The following SARDH variants were observed in gnomAD, a reference collection of about 807,000 sequenced individuals.
The protein encoded by SARDH is sarcosine dehydrogenase.
In SARDH, 95 loss-of-function variants were observed where a neutral mutation model predicts 109.1. That is an observed-to-expected ratio of 0.87 (90% confidence interval 0.74 to 1.03). The LOEUF (loss-of-function observed/expected upper bound fraction) is 1.03, where lower values mean the gene tolerates loss of function less well. SARDH is among the 50% of genes least tolerant of loss of function. SARDH has a pLI of 0.00. For missense variants in SARDH, 1,267 were observed against 1,287.8 expected (o/e 0.98, Z 0.25); for synonymous variants, 572 against 534.8 (o/e 1.07, Z -0.96).
intron 19 of SARDH, among the ~76,000 whole-genome samples, chr9:133,668,292 T>TCCTTCCCTCTCCCCTCA (rs1564227060): frequency 8.9e-6 from 1 of 112,580 alleles, no homozygotes; most frequent in African/African-American, 3.5e-5. Context: ...TCCCTCCCTC[T>TCCTTCCCTCTCCCCTCA]CCCTCCCTCT....
Position 133,670,718 on chromosome 9 carries a change from G to A in SARDH, c.2361C>T (p.Asp787=), listed in dbSNP as rs145558194. 2.6e-5 allele frequency: 41 copies of A among 1,599,984 alleles called. No homozygotes were observed. Among genetic ancestry groups the A allele is most frequent in the Middle Eastern group, 1.7e-4 (1 of 5,998 alleles). The part of the protein sequence containing the change: ...YRHWHADLRP[D]DSPLEAGLAF... ...CCAGGCCTGCCTCCAGGGGGCTGTCGTCTGGCCGCAGGTCCGCGTGCCAGT... is the reference window on the plus strand; with the variant it reads ...CCAGGCCTGCCTCCAGGGGGCTGTCATCTGGCCGCAGGTCCGCGTGCCAGT... Residue 787 remains aspartate (D), a synonymous_variant, in exon 19 of 21, where the codon GAC becomes GAT. Transcript: ENST00000439388.
At chr9:133,723,686 C>CT in intron 6 of SARDH, among the ~76,000 whole-genome samples, 1 of 152,244 alleles carries the variant, frequency 6.6e-6, no homozygotes. Context: ...TGGCATGAAC[C>CT]CAGGAGGCAG....
chr9:133,727,780 C>T (rs1172664208), intron 6 of SARDH, among the ~76,000 whole-genome samples: 3 of 152,314 alleles, frequency 2.0e-5, no homozygotes, highest in South Asian at 2.1e-4. Flanking sequence ...CCCCTAGCTT[C>T]GCTTGAATCT....
At chr9:133,736,615 C>T (rs544909042) in intron 1 of SARDH, among the ~76,000 whole-genome samples, 2 of 152,262 alleles carry the variant, frequency 1.3e-5, no homozygotes, top group Non-Finnish European at 2.9e-5. Flanking sequence ...AGGCTGGTCT[C>T]GAACTCCTGA....
At chr9:133,689,965 G>A (rs1831033891) in intron 16 of SARDH, among the ~76,000 whole-genome samples, 1 of 152,200 alleles carries the variant, frequency 6.6e-6, no homozygotes, top group South Asian at 2.1e-4. Flanking sequence ...CATGGAGGGT[G>A]TTTCCGGAGG....
chr9:133,659,842 GAGCA>G (rs1231513314), downstream of SARDH, among the ~76,000 whole-genome samples: 37 of 152,248 alleles, frequency 2.4e-4, no homozygotes, highest in East Asian at 6.8e-3. Context: ...AGTAGACACG[GAGCA>G]GGCCCAAGAA....
intron 6 of SARDH, among the ~76,000 whole-genome samples, chr9:133,725,047 T>C (rs928094530): frequency 5.3e-5 from 8 of 152,288 alleles, no homozygotes; most frequent in African/African-American, 1.7e-4. Flanking sequence ...CAATGGAGTA[T>C]TATTCAGCTG....
intron 8 of SARDH, among the ~76,000 whole-genome samples, chr9:133,716,770 C>G (rs917596306): frequency 6.6e-5 from 10 of 152,186 alleles, no homozygotes; most frequent in Non-Finnish European, 1.5e-4. Flanking sequence ...AACCTTCCCC[C>G]GCTGAGCTGG....
chr9:133,736,563 T>C (rs1305511053), intron 1 of SARDH, among the ~76,000 whole-genome samples: 1 of 152,188 alleles, frequency 6.6e-6, no homozygotes, highest in Non-Finnish European at 1.5e-5. Flanking sequence ...GCCTGGCTAA[T>C]TTTTGTATCT....
At chr9:133,734,656 G>A (rs1442547519) in intron 1 of SARDH, among the ~76,000 whole-genome samples, 1 of 152,184 alleles carries the variant, frequency 6.6e-6, no homozygotes, top group Admixed American at 6.5e-5. Context: ...GGCGTGGCTG[G>A]CAGAGATCCA....
chr9:133,711,119 G>T (rs545780887), intron 10 of SARDH, among the ~76,000 whole-genome samples: 222 of 152,366 alleles, frequency 1.5e-3, no homozygotes, highest in Non-Finnish European at 2.0e-3. Context: ...ACTTGCCAGG[G>T]GTCGCCTCAG....
intron 17 of SARDH, among the ~76,000 whole-genome samples, chr9:133,674,805 G>C (rs938189508): frequency 1.3e-5 from 2 of 152,202 alleles, no homozygotes; most frequent in African/African-American, 4.8e-5. Flanking sequence ...GGCATGGGGA[G>C]TTGGAAATGG....
chr9:133,690,567 G>A (rs757907870), intron 15 of SARDH, 40 bp from the exon 16 acceptor site: 1 of 1,580,252 alleles, frequency 6.3e-7, no homozygotes, highest in South Asian at 1.1e-5. Context: ...GGATTTCAGG[G>A]CCTGGGAGGT....
chr9:133,716,708 G>A (rs915293665), intron 8 of SARDH, among the ~76,000 whole-genome samples: 1 of 152,250 alleles, frequency 6.6e-6, no homozygotes, highest in African/African-American at 2.4e-5. Flanking sequence ...TTCCAGCTAA[G>A]TTCTCCTGGG....
rs771957347 is a variant in SARDH at position 133,666,798 on chromosome 9, G to A, written c.2568C>T (p.Asp856=). ...GQVVGHVRRA[D]FGFAIDKTIA... Reference sequence around the variant, plus strand: ...TGGTCTTGTCGATGGCGAACCCAAAGTCAGCCCTCCGGACATGGCCCACCA... The same window carrying A: ...TGGTCTTGTCGATGGCGAACCCAAAATCAGCCCTCCGGACATGGCCCACCA... The change falls in exon 20 of 21, where the codon GAC becomes GAT. Residue 856 remains aspartate, a synonymous_variant. Coordinates refer to ENST00000439388, the MANE Select transcript of SARDH (RefSeq NM_001134707.2). This position sits in a 1 kb window ranked among gnomAD's most constrained non-coding sequence, Gnocchi z 5.2. 3 of 1,606,728 alleles carry A rather than the reference G, an allele frequency of 1.9e-6. No individual in the cohort carries two copies. Among genetic ancestry groups the A allele is most frequent in the South Asian group, 2.2e-5 (2 of 89,650 alleles).
chr9:133,675,434 T>C (rs930077626), intron 17 of SARDH, among the ~76,000 whole-genome samples: 6 of 151,692 alleles, frequency 4.0e-5, no homozygotes, highest in African/African-American at 1.5e-4. Flanking sequence ...GAAAAGATGC[T>C]CCACGTCACT....
At position 133,704,885 on chromosome 9, in the gene SARDH, G is replaced by A; in HGVS notation, c.1554+63C>T. 1 of 1,434,352 alleles carries A rather than the reference G, an allele frequency of 7.0e-7. No individual in the cohort carries two copies. The highest frequency in any genetic ancestry group is 1.2e-5 in the South Asian group (1 of 81,608). The allele number at this position is 1,434,352 out of a possible 1,614,324, so 88.9% of individuals were successfully genotyped here. A position where few individuals can be genotyped will look rare whatever the true frequency, so the allele number is the denominator to read the frequency against. The stretch of plus-strand genomic sequence containing the variant: ...CGGAGGGGCAAGGACGGGGCACGTG[G>A]AGGGGCAAGGGGGTTGTCAGGGCAG... On this transcript the variant is annotated intron_variant, in intron 12 of 20. Coordinates refer to ENST00000439388, the MANE Select transcript of SARDH (RefSeq NM_001134707.2). The surrounding 1 kb of genome is among the most constrained non-coding windows in gnomAD (Gnocchi z 4.5).
chr9:133,694,156 C>G, intron 15 of SARDH, 102 bp downstream of exon 15: 1 of 829,150 alleles, frequency 1.2e-6, no homozygotes, highest in South Asian at 1.7e-5. Flanking sequence ...AATGACAGAG[C>G]TGCCGTCAGC....
intron 8 of SARDH, among the ~76,000 whole-genome samples, chr9:133,714,287 A>AG (rs1311053932): frequency 3.3e-5 from 5 of 152,134 alleles, no homozygotes; most frequent in African/African-American, 1.2e-4. Flanking sequence ...GCCTGGGCTA[A>AG]GAGCCTGGCC....
Sources: gnomAD v4.1 joint callset for allele counts (sites outside exome capture counted in the v4.1 genomes callset) on GRCh38, gnomAD v4.1.1 for gene constraint, Gnocchi (gnomAD v3.1) non-coding constraint, MANE v1.5 for transcripts, NCBI Gene and HGNC (gene_info 2026-07-23, HGNC 2026-07-21) for gene names.